Variants in COL19A1 observed in about 807,000 individuals in gnomAD.
COL19A1 encodes the protein collagen alpha-1(XIX) chain.
Under a neutral mutation model 190.2 loss-of-function variants are expected in COL19A1, and 159 were observed. The ratio of observed to expected loss-of-function variants is 0.84; its 90% CI spans 0.73 to 0.95. The LOEUF (loss-of-function observed/expected upper bound fraction) is 0.95, where lower values mean the gene tolerates loss of function less well. Among genes scored for constraint, COL19A1 ranks in the 40% least tolerant of loss-of-function variants. The probability of loss-of-function intolerance (pLI) is 0.00; values close to 1 mark genes in which losing one functional copy is unlikely to be tolerated. For synonymous variants in COL19A1, 509 were observed against 458.9 expected (o/e 1.11, Z -1.39); for missense variants, 1,418 against 1,431.9 (o/e 0.99, Z 0.16).
At chr6:69,907,733 G>A (rs768232990) in intron 4 of COL19A1, among the ~76,000 whole-genome samples, 20 of 152,140 alleles carry the variant, frequency 1.3e-4, no homozygotes, top group Non-Finnish European at 2.5e-4. Context: ...TTCCTAAAAT[G>A]TTTCTGTTTT....
chr6:70,109,793 C>T (rs537041281), intron 16 of COL19A1, among the ~76,000 whole-genome samples: 15 of 152,194 alleles, frequency 9.9e-5, no homozygotes, highest in Admixed American at 6.6e-4. Context: ...CTGGATATCA[C>T]TTTGGTCATT....
At chr6:69,877,696 C>A (rs948801526) in intron 1 of COL19A1, among the ~76,000 whole-genome samples, 1 of 151,896 alleles carries the variant, frequency 6.6e-6, no homozygotes, top group African/African-American at 2.4e-5. Flanking sequence ...ATGCAAAAAG[C>A]ATAGGCAACT....
rs750167663 is a variant in COL19A1 at position 69,899,012 on chromosome 6, T to C, written c.156T>C (p.Leu52=). ...HQLTYDNINK[L]EVSGFDLGDS... is the part of the protein sequence containing the mutation. ...TGACATATGACAACATAAACAAACT[T>C]GAAGTTTCAGGTAGGCAATATAATC... Residue 52 remains leucine (L), a synonymous_variant, in exon 3 of 51, where the codon CTT becomes CTC. Transcript: ENST00000620364. The C allele has an allele frequency of 6.2e-7, 1 of 1,608,506 alleles. No homozygotes were observed. The highest frequency in any genetic ancestry group is 8.5e-7 in the Non-Finnish European group (1 of 1,175,236).
intron 33 of COL19A1, 107 bp downstream of exon 33, chr6:70,156,476 A>G (rs1046902189): frequency 2.8e-5 from 28 of 994,800 alleles, no homozygotes; most frequent in Non-Finnish European, 3.9e-5. Context: ...CTATATATAT[A>G]TATGTATGTA....
Position 70,199,602 on chromosome 6 carries a change from A to T in COL19A1, c.3095-6A>T. The T allele has an allele frequency of 6.4e-7, 1 of 1,555,440 alleles. No homozygotes were observed. Among genetic ancestry groups the T allele is most frequent in the Non-Finnish European group, 8.7e-7 (1 of 1,148,516 alleles). On this transcript the variant is annotated splice_region_variant and splice_polypyrimidine_tract_variant and intron_variant, in intron 48 of 50. Transcript: ENST00000620364. ...TGATATATTATTTTTTCTTCTATAC[A>T]TGAAGAGAGGATGGCTGTATTCCTA...
chr6:70,159,503 A>G (rs901333474), intron 34 of COL19A1, among the ~76,000 whole-genome samples: 2 of 152,108 alleles, frequency 1.3e-5, no homozygotes, highest in Non-Finnish European at 2.9e-5. Context: ...TTTAACACCA[A>G]TACACACAAG....
intron 4 of COL19A1, among the ~76,000 whole-genome samples, chr6:69,915,178 A>G (rs76614172): frequency 0.022 from 3,327 of 152,300 alleles, 60 homozygotes; most frequent in Non-Finnish European, 0.033. Flanking sequence ...TGAAATTGCT[A>G]ATTACTTAAT....
chr6:70,140,492 A>G (rs75487513), intron 19 of COL19A1, among the ~76,000 whole-genome samples: 5,882 of 152,222 alleles, frequency 0.039, 154 homozygotes, highest in Non-Finnish European at 0.059. Context: ...AATAAAAACT[A>G]GGAAACTATT....
At chr6:70,121,821 A>T in intron 16 of COL19A1, 59 bp from the exon 17 acceptor site, 1 of 1,070,704 alleles carries the variant, frequency 9.3e-7, no homozygotes, top group Middle Eastern at 2.8e-4. Flanking sequence ...TATGTTATTT[A>T]AATATTCATT....
At chr6:69,895,641 A>T (rs1329475644) in intron 2 of COL19A1, among the ~76,000 whole-genome samples, 1 of 152,170 alleles carries the variant, frequency 6.6e-6, no homozygotes, top group African/African-American at 2.4e-5. Flanking sequence ...CACTGCAAAG[A>T]GTGTGAGCTT....
At chr6:69,970,907 T>C (rs1412886686) in intron 11 of COL19A1, among the ~76,000 whole-genome samples, 2 of 152,224 alleles carry the variant, frequency 1.3e-5, no homozygotes, top group East Asian at 3.8e-4. Flanking sequence ...ATAATTGGTA[T>C]GGGAGTAACC....
Position 70,121,878 on chromosome 6 carries a change from A to G in COL19A1, c.1279-2A>G. 6.4e-7 allele frequency: 1 copy of G among 1,571,600 alleles called. No individual in the cohort carries two copies. The highest frequency in any genetic ancestry group is 8.7e-7 in the Non-Finnish European group (1 of 1,155,632). On this transcript the variant is annotated splice_acceptor_variant, in intron 16 of 50. Coordinates refer to ENST00000620364, the MANE Select transcript of COL19A1 (RefSeq NM_001858.6). LOFTEE classifies it high-confidence loss of function. ...TTTGTCTTTGATTTGTTTATAATAC[A>G]GGGACCTCCTGGAATACAAGGAATA...
chr6:70,195,118 TAAA>T (rs943237132), intron 48 of COL19A1, among the ~76,000 whole-genome samples: 5 of 141,958 alleles, frequency 3.5e-5, no homozygotes, highest in African/African-American at 1.3e-4. Context: ...CTTCATCTGA[TAAA>T]TATACATCAT....
chr6:70,088,464 T>C (rs990340267), intron 15 of COL19A1, among the ~76,000 whole-genome samples: 2 of 152,128 alleles, frequency 1.3e-5, no homozygotes, highest in African/African-American at 4.8e-5. Context: ...TGAGTTAGAA[T>C]CTGTATCACC....
intron 9 of COL19A1, among the ~76,000 whole-genome samples, chr6:69,941,690 C>CTTTTTTT (rs534792473): frequency 3.8e-5 from 5 of 130,560 alleles, no homozygotes; most frequent in African/African-American, 5.7e-5. Context: ...GTGCTAGTTG[C>CTTTTTTT]TTTTTTTTTT....
At chr6:69,903,703 G>C (rs911601873) in intron 4 of COL19A1, among the ~76,000 whole-genome samples, 4 of 152,162 alleles carry the variant, frequency 2.6e-5, no homozygotes, top group Admixed American at 2.6e-4. Context: ...GATATTCTCA[G>C]GTGCTCCGTG....
At chr6:70,111,340 A>C (rs1378906679) in intron 16 of COL19A1, among the ~76,000 whole-genome samples, 1 of 152,166 alleles carries the variant, frequency 6.6e-6, no homozygotes, top group Non-Finnish European at 1.5e-5. Context: ...AGTTTTCAGC[A>C]TTGTCTAGGG....
chr6:69,960,692 C>T (rs1275596670), intron 10 of COL19A1, among the ~76,000 whole-genome samples: 4 of 147,452 alleles, frequency 2.7e-5, no homozygotes, highest in African/African-American at 5.0e-5. Context: ...TGCAGTGGCG[C>T]GATCTTGGCT....
chr6:70,152,058 C>G (rs1426365051), intron 31 of COL19A1, among the ~76,000 whole-genome samples: 1 of 151,408 alleles, frequency 6.6e-6, no homozygotes, highest in Non-Finnish European at 1.5e-5. Context: ...TGTATTTTAT[C>G]AGTAAAACAG....
Sources: gnomAD v4.1 joint callset for allele counts (sites outside exome capture counted in the v4.1 genomes callset) on GRCh38, gnomAD v4.1.1 for gene constraint, MANE v1.5 for transcripts, NCBI Gene and HGNC (gene_info 2026-07-23, HGNC 2026-07-21) for gene names.